The following ARHGAP15 variants were observed in gnomAD, a reference collection of about 807,000 sequenced individuals.
ARHGAP15 encodes the protein rho GTPase-activating protein 15.
In ARHGAP15, 51 loss-of-function variants were observed where a neutral mutation model predicts 63.7. The ratio of observed to expected loss-of-function variants is 0.80; its 90% CI spans 0.64 to 1.01. The LOEUF is 1.01. ARHGAP15 is among the 50% of genes least tolerant of loss of function. The probability of loss-of-function intolerance (pLI) is 0.00; values close to 1 mark genes in which losing one functional copy is unlikely to be tolerated. For synonymous variants in ARHGAP15, 191 were observed against 193.8 expected (o/e 0.99, Z 0.12); for missense variants, 560 against 564.6 (o/e 0.99, Z 0.08).
chr2:143,228,380 G>A (rs985635193), intron 4 of ARHGAP15, among the ~76,000 whole-genome samples: 3 of 152,054 alleles, frequency 2.0e-5, no homozygotes, highest in Admixed American at 2.0e-4. Context: ...TATAAATGCT[G>A]TACTTTTAAA....
intron 13 of ARHGAP15, among the ~76,000 whole-genome samples, chr2:143,715,266 C>A (rs1684760534): frequency 6.6e-6 from 1 of 152,192 alleles, no homozygotes; most frequent in African/African-American, 2.4e-5. Flanking sequence ...ACGAGAATAG[C>A]ATGGGAAAGA....
At chr2:143,352,896 T>C (rs1685632140) in intron 6 of ARHGAP15, among the ~76,000 whole-genome samples, 1 of 152,186 alleles carries the variant, frequency 6.6e-6, no homozygotes, top group African/African-American at 2.4e-5. Flanking sequence ...AAATCTTTCT[T>C]AAAAAGTGTA....
chr2:143,154,399 CA>C (rs1236604690), intron 1 of ARHGAP15, among the ~76,000 whole-genome samples: 1 of 151,830 alleles, frequency 6.6e-6, no homozygotes, highest in Non-Finnish European at 1.5e-5. Flanking sequence ...CCTCATTGTC[CA>C]ACAAACATTG....
intron 6 of ARHGAP15, among the ~76,000 whole-genome samples, chr2:143,384,153 T>C (rs769152983): frequency 1.3e-5 from 2 of 152,180 alleles, no homozygotes; most frequent in Non-Finnish European, 2.9e-5. Context: ...AATTTTATTT[T>C]AAAAATCTCA....
intron 12 of ARHGAP15, among the ~76,000 whole-genome samples, chr2:143,674,116 T>C (rs1385654189): frequency 6.6e-6 from 1 of 152,114 alleles, no homozygotes; most frequent in Non-Finnish European, 1.5e-5. Flanking sequence ...AACATGCTCC[T>C]AATCCATGAC....
intron 6 of ARHGAP15, among the ~76,000 whole-genome samples, chr2:143,322,066 T>C (rs1276597292): frequency 6.8e-6 from 1 of 147,058 alleles, no homozygotes; most frequent in Non-Finnish European, 1.5e-5. Context: ...CTGGATTCTA[T>C]GCCTTTTAAA....
chr2:143,447,000 G>A (rs1008889232), intron 8 of ARHGAP15, among the ~76,000 whole-genome samples: 2 of 152,076 alleles, frequency 1.3e-5, no homozygotes, highest in African/African-American at 4.8e-5. Flanking sequence ...GTGTATATGT[G>A]CCACATTTTC....
At chr2:143,202,689 A>G (rs1055637246) in intron 3 of ARHGAP15, among the ~76,000 whole-genome samples, 7 of 152,098 alleles carry the variant, frequency 4.6e-5, no homozygotes, top group African/African-American at 1.7e-4. Context: ...TAGTTCACAC[A>G]AGGGGAGAGG....
At chr2:143,759,950 C>G (rs553944291) in intron 13 of ARHGAP15, among the ~76,000 whole-genome samples, 2 of 152,176 alleles carry the variant, frequency 1.3e-5, no homozygotes, top group African/African-American at 2.4e-5. Flanking sequence ...GTGGAAGAAC[C>G]ATTACTTCTC....
intron 2 of ARHGAP15, among the ~76,000 whole-genome samples, chr2:143,177,987 TGTTGATA>T (rs1317251193): frequency 3.3e-5 from 5 of 152,228 alleles, no homozygotes; most frequent in Admixed American, 3.3e-4. Flanking sequence ...ACAAGCTAAA[TGTTGATA>T]GTTGTAACCC....
chr2:143,575,819 T>C (rs1360780672), intron 11 of ARHGAP15, among the ~76,000 whole-genome samples: 2 of 152,176 alleles, frequency 1.3e-5, no homozygotes, highest in South Asian at 2.1e-4. Flanking sequence ...GCAACCCATA[T>C]TGTATTCTGT....
chr2:143,383,583 C>T (rs929661591), intron 6 of ARHGAP15, among the ~76,000 whole-genome samples: 6 of 152,050 alleles, frequency 3.9e-5, no homozygotes, highest in African/African-American at 7.2e-5. Context: ...ATAACATTCT[C>T]GATATTAAGC....
At chr2:143,381,833 T>C (rs1687064645) in intron 6 of ARHGAP15, among the ~76,000 whole-genome samples, 1 of 151,404 alleles carries the variant, frequency 6.6e-6, no homozygotes, top group Admixed American at 6.6e-5. Flanking sequence ...TTCTGAAATG[T>C]GTGGTATGTT....
At chr2:143,488,950 C>T (rs528229592) in intron 9 of ARHGAP15, among the ~76,000 whole-genome samples, 1 of 152,306 alleles carries the variant, frequency 6.6e-6, no homozygotes, top group South Asian at 2.1e-4. Context: ...GTAATTGACC[C>T]TCTACAGATT....
chr2:143,757,561 C>T (rs1686624253), intron 13 of ARHGAP15, among the ~76,000 whole-genome samples: 1 of 151,846 alleles, frequency 6.6e-6, no homozygotes, highest in Admixed American at 6.6e-5. Context: ...TAGAGATTAT[C>T]AGCACAGTAC....
At chr2:143,610,802 C>A (rs1698222141) in intron 11 of ARHGAP15, among the ~76,000 whole-genome samples, 1 of 149,204 alleles carries the variant, frequency 6.7e-6, no homozygotes, top group Non-Finnish European at 1.5e-5. Flanking sequence ...GATCTCGGCT[C>A]ACTGCAGCCT....
chr2:143,638,599 T>C (rs1680448795), intron 12 of ARHGAP15, among the ~76,000 whole-genome samples: 3 of 148,534 alleles, frequency 2.0e-5, no homozygotes, highest in Admixed American at 6.7e-5. Context: ...CATGTATACA[T>C]ATGTAACTAA....
intron 8 of ARHGAP15, among the ~76,000 whole-genome samples, chr2:143,471,219 C>T (rs976892751): frequency 1.4e-5 from 2 of 144,938 alleles, no homozygotes; most frequent in Non-Finnish European, 3.0e-5. Context: ...TATATATACA[C>T]ACACATGTGT....
chr2:143,519,736 C>T (rs1014121294), intron 10 of ARHGAP15, among the ~76,000 whole-genome samples: 2 of 152,120 alleles, frequency 1.3e-5, no homozygotes, highest in African/African-American at 4.8e-5. Flanking sequence ...GGTAAGCCCC[C>T]AACATTACCC....
Sources: gnomAD v4.1 joint callset for allele counts (sites outside exome capture counted in the v4.1 genomes callset) on GRCh38, gnomAD v4.1.1 for gene constraint, MANE v1.5 for transcripts, NCBI Gene and HGNC (gene_info 2026-07-23, HGNC 2026-07-21) for gene names.